LRMDA: variants seen among roughly 807,000 people sequenced by gnomAD.
LRMDA encodes the protein leucine-rich melanocyte differentiation-associated protein.
Under a neutral mutation model 29.8 loss-of-function variants are expected in LRMDA, and 18 were observed. That is an observed-to-expected ratio of 0.60 (90% CI 0.42 to 0.90). LRMDA has a LOEUF of 0.90. Ranked by LOEUF, LRMDA falls within the 40% of genes least tolerant of loss-of-function variation. The probability of loss-of-function intolerance (pLI) is 0.00; values close to 1 mark genes in which losing one functional copy is unlikely to be tolerated. For synonymous variants in LRMDA, 125 were observed against 109.4 expected, an observed-to-expected ratio of 1.14 and a Z score of -0.89; for missense variants, 273 against 273.9, an observed-to-expected ratio of 1.00 and a Z score of 0.02.
intron 6 of LRMDA, among the ~76,000 whole-genome samples, chr10:76,339,319 A>G (rs1841009324): frequency 6.6e-6 from 1 of 151,690 alleles, no homozygotes; most frequent in African/African-American, 2.4e-5. Context: ...ACTATAGACT[A>G]CAGAATTAGA....
At chr10:75,935,996 TTTTTA>T (rs145141243) in intron 2 of LRMDA, among the ~76,000 whole-genome samples, 3 of 152,032 alleles carry the variant, frequency 2.0e-5, no homozygotes, top group South Asian at 4.2e-4. Flanking sequence ...CTCATTTTTA[TTTTTA>T]TTTTATTTTA....
intron 6 of LRMDA, among the ~76,000 whole-genome samples, chr10:76,440,154 G>T (rs1307099691): frequency 6.6e-6 from 1 of 152,212 alleles, no homozygotes; most frequent in Non-Finnish European, 1.5e-5. Context: ...GATACCAAGG[G>T]TATGGGAGGC....
chr10:75,735,171 A>G (rs1442860402), intron 2 of LRMDA, among the ~76,000 whole-genome samples: 1 of 152,248 alleles, frequency 6.6e-6, no homozygotes, highest in Non-Finnish European at 1.5e-5. Context: ...ACGTGACTAT[A>G]TGACTGAGGA....
intron 2 of LRMDA, among the ~76,000 whole-genome samples, chr10:75,948,474 T>C (rs1343470369): frequency 6.6e-6 from 1 of 152,192 alleles, no homozygotes; most frequent in Non-Finnish European, 1.5e-5. Flanking sequence ...TGATAGGTAG[T>C]GGGACATTGT....
chr10:76,352,137 G>A (rs1264548110), intron 6 of LRMDA, among the ~76,000 whole-genome samples: 2 of 152,102 alleles, frequency 1.3e-5, no homozygotes, highest in Non-Finnish European at 2.9e-5. Context: ...AGTTACTGTG[G>A]AAGTGCTGAA....
intron 6 of LRMDA, among the ~76,000 whole-genome samples, chr10:76,361,637 T>C (rs907798766): frequency 1.3e-5 from 2 of 152,124 alleles, no homozygotes; most frequent in East Asian, 3.9e-4. Context: ...GAAAAATCAT[T>C]CCCCTATTCT....
chr10:76,058,629 C>A, intron 4 of LRMDA, 37 bp from the exon 5 acceptor site: 1 of 1,554,906 alleles, frequency 6.4e-7, no homozygotes, highest in South Asian at 1.1e-5. Flanking sequence ...GGCTGCCACT[C>A]AAACTTCCTG....
chr10:75,707,572 G>A (rs898000549), intron 2 of LRMDA, among the ~76,000 whole-genome samples: 1 of 152,228 alleles, frequency 6.6e-6, no homozygotes, highest in African/African-American at 2.4e-5. Context: ...AGGGCTTTAT[G>A]ACTCAGCCTT....
intron 2 of LRMDA, among the ~76,000 whole-genome samples, chr10:75,982,598 G>C (rs1414449961): frequency 1.3e-5 from 2 of 152,194 alleles, no homozygotes; most frequent in East Asian, 3.8e-4. Context: ...CAAGCTAAAG[G>C]TGAAGCTGGC....
At chr10:76,375,118 A>C (rs1467511728) in intron 6 of LRMDA, among the ~76,000 whole-genome samples, 1 of 152,086 alleles carries the variant, frequency 6.6e-6, no homozygotes, top group African/African-American at 2.4e-5. Context: ...TTTTTCTGCA[A>C]GGATGCTAAA....
In LRMDA at chr10:76,545,132, G is replaced by C. The variant is rs545715469; in HGVS notation, c.602-12077G>C. Among the ~76,000 whole-genome samples the C allele has an allele frequency of 2.6e-5, 4 of 151,368 alleles. No individual in the cohort carries two copies. The East Asian group carries it at 7.8e-4, about 29-fold the overall frequency. On this transcript the variant is annotated intron_variant, in intron 6 of 6. Transcript: ENST00000611255. ...TTATGACAAACCCAGTTGTTACAGG[G>C]TCTGCTTAATTTTATTTGAAAGGTT...
chr10:75,685,081 A>T (rs1842065742), intron 2 of LRMDA, among the ~76,000 whole-genome samples: 1 of 152,100 alleles, frequency 6.6e-6, no homozygotes, highest in African/African-American at 2.4e-5. Flanking sequence ...GAGTCACTTA[A>T]ATTTAATTTT....
chr10:76,183,942 CA>C (rs1382907893), intron 5 of LRMDA, among the ~76,000 whole-genome samples: 1 of 152,098 alleles, frequency 6.6e-6, no homozygotes, highest in African/African-American at 2.4e-5. Context: ...AGGCTGGTCC[CA>C]AACTCCTGGC....
At chr10:76,180,441 G>T (rs1300764411) in intron 5 of LRMDA, among the ~76,000 whole-genome samples, 1 of 151,608 alleles carries the variant, frequency 6.6e-6, no homozygotes, top group Non-Finnish European at 1.5e-5. Flanking sequence ...CACCACACCC[G>T]GCTAATTTTT....
At chr10:76,533,450 AT>A (rs1843256938) in intron 6 of LRMDA, among the ~76,000 whole-genome samples, 1 of 152,070 alleles carries the variant, frequency 6.6e-6, no homozygotes. Context: ...CTTTATGTTC[AT>A]TGTTGAAATT....
intron 2 of LRMDA, among the ~76,000 whole-genome samples, chr10:75,544,126 T>C (rs192650616): frequency 3.9e-5 from 6 of 152,290 alleles, no homozygotes; most frequent in Non-Finnish European, 8.8e-5. Flanking sequence ...TGTGTTTGTG[T>C]CCATGTGTGT....
At chr10:76,545,176 A>T (rs1287224390) in intron 6 of LRMDA, among the ~76,000 whole-genome samples, 3 of 60,190 alleles carry the variant, frequency 5.0e-5, no homozygotes, top group South Asian at 6.0e-4. Context: ...TTTGTTTTTT[A>T]TTTTGTTTTT....
intron 6 of LRMDA, among the ~76,000 whole-genome samples, chr10:76,417,898 A>G (rs1232309805): frequency 6.6e-6 from 1 of 152,138 alleles, no homozygotes; most frequent in Non-Finnish European, 1.5e-5. Context: ...ATTTTTTCAT[A>G]AGGATATCTG....
chr10:75,737,733 A>G (rs1254449940), intron 2 of LRMDA, among the ~76,000 whole-genome samples: 3 of 152,160 alleles, frequency 2.0e-5, no homozygotes, highest in Admixed American at 6.5e-5. Flanking sequence ...GGTGCTTGAC[A>G]TGATGTATCA....
Sources: gnomAD v4.1 joint callset for allele counts (sites outside exome capture counted in the v4.1 genomes callset) on GRCh38, gnomAD v4.1.1 for gene constraint, MANE v1.5 for transcripts, NCBI Gene and HGNC (gene_info 2026-07-23, HGNC 2026-07-21) for gene names.